DPP6: variants seen among roughly 807,000 people sequenced by gnomAD.
DPP6 encodes the protein A-type potassium channel modulatory protein DPP6.
A neutral mutation model predicts 122.6 loss-of-function variants in DPP6; 69 were observed. That is an observed-to-expected ratio of 0.56 (90% CI 0.46 to 0.69). DPP6 has a LOEUF of 0.69. Ranked by LOEUF, DPP6 falls within the 30% of genes least tolerant of loss-of-function variation. DPP6 has a pLI of 0.00. For synonymous variants in DPP6, 418 were observed against 433.1 expected, an observed-to-expected ratio of 0.97 and a Z score of 0.43; for missense variants, 928 against 1,116.9, an observed-to-expected ratio of 0.83 and a Z score of 2.41.
At chr7:154,790,537 T>C (rs918832416) in intron 10 of DPP6, among the ~76,000 whole-genome samples, 7 of 152,152 alleles carry the variant, frequency 4.6e-5, no homozygotes, top group African/African-American at 1.7e-4. Flanking sequence ...TATTTCACAC[T>C]GTATTTCATC....
intron 1 of DPP6, among the ~76,000 whole-genome samples, chr7:154,218,995 T>C (rs758243262): frequency 7.9e-5 from 12 of 152,204 alleles, no homozygotes; most frequent in Non-Finnish European, 1.3e-4. Flanking sequence ...ACACACAGGT[T>C]TCCCAGAATG....
At chr7:153,805,798 A>G in the DPP6 span, among the ~76,000 whole-genome samples, 1 of 152,072 alleles carries the variant, frequency 6.6e-6, no homozygotes, top group Non-Finnish European at 1.5e-5. Context: ...TGGGAATTGA[A>G]CAATGAGAAC....
chr7:154,235,134 T>C (rs1563348759), intron 1 of DPP6, among the ~76,000 whole-genome samples: 2 of 152,212 alleles, frequency 1.3e-5, no homozygotes, highest in Non-Finnish European at 2.9e-5. Flanking sequence ...TTTTAGGACA[T>C]TTTTATCACC....
At chr7:154,687,276 G>A (rs1839673256) in intron 7 of DPP6, among the ~76,000 whole-genome samples, 1 of 152,164 alleles carries the variant, frequency 6.6e-6, no homozygotes, top group Non-Finnish European at 1.5e-5. Context: ...TTCTGTCATA[G>A]TCCATTATAC....
chr7:153,990,244 G>T (rs1383544079), intron 1 of DPP6, among the ~76,000 whole-genome samples: 1 of 106,330 alleles, frequency 9.4e-6, no homozygotes, highest in Admixed American at 1.0e-4. Context: ...CCACCCTCAG[G>T]CAGCCCCACC....
rs1270249780 is a variant in DPP6 at position 154,877,394 on chromosome 7, CAT to C, written c.2078+1295_2078+1296del. Reference sequence around the variant, plus strand: ...CTGGAAGTCAATGACTACAACAACACATGTGTGCGTGCACACACACACACACA... The same window carrying C: ...CTGGAAGTCAATGACTACAACAACACGTGTGCGTGCACACACACACACACA... On this transcript the variant is annotated intron_variant, in intron 20 of 25. Transcript: ENST00000377770. The surrounding 1 kb of genome is among the most constrained non-coding windows in gnomAD (Gnocchi z 5.2). Among the ~76,000 whole-genome samples the C allele has an allele frequency of 1.5e-5, 2 of 134,772 alleles. No homozygotes were observed. Among genetic ancestry groups the C allele is most frequent in the South Asian group, 4.7e-4 (2 of 4,226 alleles). The allele number at this position is 134,772 out of a possible 152,430, so 88.4% of individuals were successfully genotyped here. A position where few individuals can be genotyped will look rare whatever the true frequency, so the allele number is the denominator to read the frequency against.
intron 1 of DPP6, among the ~76,000 whole-genome samples, chr7:154,194,641 T>C (rs1798775092): frequency 6.6e-6 from 1 of 152,236 alleles, no homozygotes; most frequent in Non-Finnish European, 1.5e-5. Context: ...ATGAATTCTT[T>C]CGTTGTCAGA....
intron 21 of DPP6, among the ~76,000 whole-genome samples, chr7:154,883,145 C>A (rs1037724680): frequency 5.5e-5 from 8 of 145,704 alleles, no homozygotes; most frequent in African/African-American, 2.0e-4. Context: ...ACATGCTCAC[C>A]CATACACATG....
intron 1 of DPP6, among the ~76,000 whole-genome samples, chr7:154,041,953 T>G (rs1799787783): frequency 6.6e-6 from 1 of 152,166 alleles, no homozygotes; most frequent in Non-Finnish European, 1.5e-5. Context: ...GAGCCGGGGT[T>G]TCACCATGTT....
At chr7:154,557,107 G>T (rs901421826) in intron 4 of DPP6, among the ~76,000 whole-genome samples, 7 of 152,178 alleles carry the variant, frequency 4.6e-5, no homozygotes, top group Non-Finnish European at 8.8e-5. Context: ...AAGACGGGAA[G>T]TTTGTTGATT....
At chr7:154,401,149 G>T (rs758391246) in intron 1 of DPP6, among the ~76,000 whole-genome samples, 1 of 151,212 alleles carries the variant, frequency 6.6e-6, no homozygotes, top group East Asian at 1.9e-4. Context: ...GTGAGCCAAG[G>T]TCATGCCACT....
At chr7:153,803,674 G>GTA in the DPP6 span, among the ~76,000 whole-genome samples, 68 of 150,208 alleles carry the variant, frequency 4.5e-4, no homozygotes, top group Non-Finnish European at 7.5e-4. Context: ...ATATATATGT[G>GTA]TATATATATA....
the DPP6 span, among the ~76,000 whole-genome samples, chr7:153,857,322 TTCTCTCTCTCTCTCTC>T: frequency 1.3e-4 from 16 of 124,476 alleles, no homozygotes; most frequent in East Asian, 2.9e-3. Context: ...CTCAAAGGTT[TTCTCTCTCTCTCTCTC>T]TCTCTCTCTC....
At chr7:154,678,263 C>G (rs1163894865) in intron 7 of DPP6, among the ~76,000 whole-genome samples, 1 of 152,348 alleles carries the variant, frequency 6.6e-6, no homozygotes, top group African/African-American at 2.4e-5. Context: ...CTCGGGTTCC[C>G]TTCCACGTGG....
At chr7:154,855,027 C>T (rs1439056140) in intron 17 of DPP6, among the ~76,000 whole-genome samples, 1 of 151,976 alleles carries the variant, frequency 6.6e-6, no homozygotes, top group South Asian at 2.1e-4. Context: ...CAGTGACCAT[C>T]GAGCATCAGC....
chr7:154,528,387 T>C (rs1040631267), intron 3 of DPP6, among the ~76,000 whole-genome samples: 1 of 152,194 alleles, frequency 6.6e-6, no homozygotes, highest in Non-Finnish European at 1.5e-5. Context: ...AGGTATAATT[T>C]GACAAAAAAG....
chr7:154,451,877 A>G (rs2151299655), intron 2 of DPP6, among the ~76,000 whole-genome samples: 1 of 152,300 alleles, frequency 6.6e-6, no homozygotes, highest in African/African-American at 2.4e-5. Flanking sequence ...TGGGGTGTCC[A>G]AGGTTTAGGC....
At chr7:154,590,322 A>AAATTACAAC (rs1328529941) in intron 5 of DPP6, among the ~76,000 whole-genome samples, 1 of 151,808 alleles carries the variant, frequency 6.6e-6, no homozygotes, top group African/African-American at 2.4e-5. Flanking sequence ...TATTATTCAA[A>AAATTACAAC]AATTACAACC....
At chr7:154,303,433 G>A (rs866865019) in intron 1 of DPP6, among the ~76,000 whole-genome samples, 35 of 152,112 alleles carry the variant, frequency 2.3e-4, no homozygotes, top group African/African-American at 7.5e-4. Context: ...GGCCAGAGAC[G>A]TGACCAAGGA....
Sources: gnomAD v4.1 joint callset for allele counts (sites outside exome capture counted in the v4.1 genomes callset) on GRCh38, gnomAD v4.1.1 for gene constraint, Gnocchi (gnomAD v3.1) non-coding constraint, MANE v1.5 for transcripts, NCBI Gene and HGNC (gene_info 2026-07-23, HGNC 2026-07-21) for gene names.